EVL: variants seen among roughly 807,000 people sequenced by gnomAD.
EVL encodes the protein ena/VASP-like protein.
EVL carries 21 observed loss-of-function variants against 59.6 expected under a neutral mutation model. The ratio of observed to expected loss-of-function variants is 0.35; its 90% CI spans 0.25 to 0.51. The LOEUF is 0.51. EVL is among the 20% of genes least tolerant of loss of function. EVL has a pLI of 0.97. For missense variants in EVL, 462 were observed against 546.6 expected, an observed-to-expected ratio of 0.85 and a Z score of 1.54; for synonymous variants, 198 against 203.5, an observed-to-expected ratio of 0.97 and a Z score of 0.23.
At chr14:100,059,763 T>G (rs1222660817) in intron 1 of EVL, among the ~76,000 whole-genome samples, 2 of 152,126 alleles carry the variant, frequency 1.3e-5, no homozygotes, top group African/African-American at 2.4e-5. Flanking sequence ...ACCCTAGGGC[T>G]AAGTTCAAAA....
chr14:100,092,656 A>T (rs904687476), intron 2 of EVL, among the ~76,000 whole-genome samples: 1 of 152,090 alleles, frequency 6.6e-6, no homozygotes, highest in African/African-American at 2.4e-5. Flanking sequence ...AATCGCTTGA[A>T]CCCAGGAGGC....
chr14:100,086,676 A>G (rs553569733), intron 2 of EVL, among the ~76,000 whole-genome samples: 2 of 151,968 alleles, frequency 1.3e-5, no homozygotes, highest in South Asian at 2.1e-4. Flanking sequence ...CCTTTTCCCC[A>G]CTCCGGGAGG....
rs77839241 is a variant in EVL at position 100,027,838 on chromosome 14, C to A, written c.5+55781C>A. Among the ~76,000 whole-genome samples, 1,908 of 152,212 alleles carry A rather than the reference C, an allele frequency of 0.013. 101 individuals are homozygous for A. The East Asian group carries it at 0.18, about 14-fold the overall frequency. On this transcript the variant is annotated intron_variant, in intron 1 of 13. Transcript: ENST00000402714. ...TACAGGCATGCGCCACTATGCCCAG[C>A]TAATTTTTGTATTTTTAGTAGAGGC...
At chr14:100,133,886 G>C (rs1248614081) in intron 8 of EVL, among the ~76,000 whole-genome samples, 1 of 152,322 alleles carries the variant, frequency 6.6e-6, no homozygotes, top group East Asian at 1.9e-4. Flanking sequence ...GTAGTGAGCA[G>C]AGATCGCACC....
chr14:100,102,672 T>G (rs978573225), intron 3 of EVL, among the ~76,000 whole-genome samples: 1 of 152,168 alleles, frequency 6.6e-6, no homozygotes, highest in East Asian at 1.9e-4. Context: ...GAGGGAGGGT[T>G]GGCGTTTTTC....
intron 1 of EVL, among the ~76,000 whole-genome samples, chr14:100,046,971 T>C (rs1159993739): frequency 6.6e-5 from 10 of 151,418 alleles, no homozygotes; most frequent in African/African-American, 2.4e-4. Context: ...GCCAGGATGG[T>C]CTTGATCTCC....
intron 1 of EVL, among the ~76,000 whole-genome samples, chr14:100,019,941 T>C (rs2061091846): frequency 6.6e-6 from 1 of 152,222 alleles, no homozygotes; most frequent in Non-Finnish European, 1.5e-5. Context: ...GGACCCCACC[T>C]TGTGCCTTAT....
intron 2 of EVL, among the ~76,000 whole-genome samples, chr14:100,090,436 A>G (rs1482861759): frequency 1.3e-5 from 2 of 152,238 alleles, no homozygotes; most frequent in Admixed American, 6.5e-5. Context: ...CCTGCTTCCT[A>G]TAATGTCTTC....
chr14:99,973,072 A>G (rs1338100422), intron 1 of EVL, among the ~76,000 whole-genome samples: 1 of 152,118 alleles, frequency 6.6e-6, no homozygotes, highest in African/African-American at 2.4e-5. Flanking sequence ...AGTTGTTTCT[A>G]GCTTTGTTGG....
chr14:100,027,766 C>A (rs1235111239), intron 1 of EVL, among the ~76,000 whole-genome samples: 1 of 152,162 alleles, frequency 6.6e-6, no homozygotes, highest in Non-Finnish European at 1.5e-5. Flanking sequence ...CCTCCACCTC[C>A]CAGGTTCATG....
rs75860164 is a variant in EVL at position 100,001,437 on chromosome 14, C to G, written c.5+29380C>G. Among the ~76,000 whole-genome samples, 1,723 of 152,328 alleles carry G rather than the reference C, an allele frequency of 0.011. 75 individuals carry two copies. The East Asian group carries it at 0.15, about 13-fold the overall frequency. Reference sequence around the variant, plus strand: ...AGTTTTTGAAATAGAATTCGTCTCTCTCTCCAGTTTCCCGTTTTTACTAAA... The same window carrying G: ...AGTTTTTGAAATAGAATTCGTCTCTGTCTCCAGTTTCCCGTTTTTACTAAA... On this transcript the variant is annotated intron_variant, in intron 1 of 13. Transcript: ENST00000402714.
chr14:100,005,968 A>AGTC (rs2060976288), intron 1 of EVL, among the ~76,000 whole-genome samples: 1 of 143,706 alleles, frequency 7.0e-6, no homozygotes, highest in African/African-American at 2.7e-5. Flanking sequence ...CCTTTAAGTC[A>AGTC]AAAAATCTTT....
At chr14:100,141,827 A>AG (rs766851053) in intron 13 of EVL, 34 bp downstream of exon 13, 6 of 1,605,696 alleles carry the variant, frequency 3.7e-6, no homozygotes, top group Non-Finnish European at 5.1e-6. Flanking sequence ...GGTGGCACCC[A>AG]GGTGTGGCCG....
rs1467321292 is a variant in EVL at position 100,127,710 on chromosome 14, C to T, written c.488-809C>T. Among the ~76,000 whole-genome samples the T allele has an allele frequency of 6.6e-6, 1 of 152,236 alleles. No homozygotes were observed. The highest frequency in any genetic ancestry group is 2.4e-5 in the African/African-American group (1 of 41,456). On this transcript the variant is annotated intron_variant, in intron 5 of 13. Coordinates refer to ENST00000392920, the MANE Select transcript of EVL (RefSeq NM_016337.3). This position sits in a 1 kb window ranked among gnomAD's most constrained non-coding sequence, Gnocchi z 4.2. ...GCTCTCCGGTCGTGTCCCAGCTCCA[C>T]AGTCACTTCCGTGAGGACGTCATGG...
At chr14:100,137,289 G>T (rs945068970) in intron 9 of EVL, 2 of 483,134 alleles carry the variant, frequency 4.1e-6, no homozygotes, top group Non-Finnish European at 7.6e-6. Flanking sequence ...GTGCTTGCTC[G>T]CCCTGTGGCT....
chr14:100,077,674 C>T lies in EVL; in HGVS notation c.12-7013C>T, dbSNP rs149448321. Among the ~76,000 whole-genome samples the T allele has an allele frequency of 5.3e-5, 8 of 152,302 alleles. No individual in the cohort carries two copies. In the East Asian group the frequency reaches 1.5e-3, roughly 29 times the overall value. ...GTGTGTTACAGTAGAGACCCCGCCCCGCCTGAGACTTACCACATCAGAATC... is the reference window on the plus strand; with the variant it reads ...GTGTGTTACAGTAGAGACCCCGCCCTGCCTGAGACTTACCACATCAGAATC... On this transcript the variant is annotated intron_variant, in intron 1 of 13. Transcript: ENST00000392920.
intron 1 of EVL, among the ~76,000 whole-genome samples, chr14:100,073,753 C>T (rs1039680995): frequency 1.3e-5 from 2 of 152,186 alleles, no homozygotes; most frequent in African/African-American, 4.8e-5. Flanking sequence ...CAAAACTCAG[C>T]AAACATAAAA....
At position 100,137,611 on chromosome 14, in the gene EVL, C is replaced by T. The variant is rs1888884848; in HGVS notation, c.998C>T (p.Ser333Leu). ...AGRKPWERSN[S>L]VEKPVSSILS... ...CGGAAGCCCTGGGAGCGGAGCAACT[C>T]GGTGGAGAAGCCTGTGTCCTCGATT... Residue 333 changes from serine (S) to leucine (L), a missense_variant, in exon 10 of 14, where the codon TCG (serine) becomes TTG (leucine). By Grantham distance (145) the Ser-to-Leu change is moderately radical. Coordinates refer to ENST00000392920, the MANE Select transcript of EVL (RefSeq NM_016337.3). 3.1e-6 allele frequency: 5 copies of T among 1,614,028 alleles called. No homozygotes were observed. Among genetic ancestry groups the T allele is most frequent in the Non-Finnish European group, 4.2e-6 (5 of 1,180,032 alleles).
intron 1 of EVL, among the ~76,000 whole-genome samples, chr14:100,028,458 T>G (rs1172162675): frequency 6.6e-6 from 1 of 152,198 alleles, no homozygotes; most frequent in African/African-American, 2.4e-5. Context: ...GTTTGAGTCC[T>G]TTATGCACTG....
Sources: gnomAD v4.1 joint callset for allele counts (sites outside exome capture counted in the v4.1 genomes callset) on GRCh38, gnomAD v4.1.1 for gene constraint, Gnocchi (gnomAD v3.1) non-coding constraint, MANE v1.5 for transcripts, NCBI Gene and HGNC (gene_info 2026-07-23, HGNC 2026-07-21) for gene names.